Variants in LYN observed in about 807,000 individuals in gnomAD.
The protein encoded by LYN is tyrosine-protein kinase Lyn.
In LYN, 12 loss-of-function variants were observed where a neutral mutation model predicts 65.0. The observed-to-expected ratio is 0.18, with a 90% CI of 0.12 to 0.30. The LOEUF is 0.30. LYN is among the 10% of genes least tolerant of loss of function. The pLI is 1.00. For missense variants in LYN, 380 were observed against 623.2 expected, an observed-to-expected ratio of 0.61 and a Z score of 4.16; for synonymous variants, 222 against 221.2, an observed-to-expected ratio of 1.00 and a Z score of -0.03.
rs889248350 is a variant in LYN, at chr8:55,936,734, A to G, written c.-5-5121A>G. Among the ~76,000 whole-genome samples, 5 of 152,232 alleles carry G rather than the reference A, an allele frequency of 3.3e-5. No homozygotes were observed. In the East Asian group the frequency reaches 7.7e-4, roughly 23 times the overall value. On this transcript the variant is annotated intron_variant, in intron 1 of 12. Transcript: ENST00000519728. ...TGTAGGGTGACTATAATTAAAGACA[A>G]TGTATTGTATATTCCAAATAGCCGG...
intron 10 of LYN, among the ~76,000 whole-genome samples, chr8:55,973,526 A>C (rs965770612): frequency 6.6e-6 from 1 of 152,216 alleles, no homozygotes; most frequent in African/African-American, 2.4e-5. Flanking sequence ...TATGTCAGAG[A>C]AGAAAAATGA....
chr8:55,998,691 A>G (rs1274019136), intron 11 of LYN, among the ~76,000 whole-genome samples, 192 bp downstream of exon 11: 3 of 152,232 alleles, frequency 2.0e-5, no homozygotes, highest in Non-Finnish European at 4.4e-5. Context: ...GATTAACTCC[A>G]CATGATACTT....
At chr8:55,933,491 T>C (rs1806327824) in intron 1 of LYN, among the ~76,000 whole-genome samples, 1 of 152,262 alleles carries the variant, frequency 6.6e-6, no homozygotes, top group Admixed American at 6.5e-5. Context: ...GAAGTGGTCA[T>C]GTTGGGTTAA....
At chr8:55,992,985 GCAT>G (rs1808289421) in intron 10 of LYN, among the ~76,000 whole-genome samples, 1 of 152,074 alleles carries the variant, frequency 6.6e-6, no homozygotes, top group African/African-American at 2.4e-5. Flanking sequence ...TCAGACCATA[GCAT>G]CATGCATTTG....
At chr8:55,973,878 C>T (rs970277227) in intron 10 of LYN, among the ~76,000 whole-genome samples, 1 of 152,210 alleles carries the variant, frequency 6.6e-6, no homozygotes, top group Non-Finnish European at 1.5e-5. Context: ...GCCAGAAGTT[C>T]AGGACCAGCC....
chr8:55,917,019 A>T (rs1289747702), intron 1 of LYN, among the ~76,000 whole-genome samples: 1 of 152,048 alleles, frequency 6.6e-6, no homozygotes. Context: ...TCTACTAAAA[A>T]TACAAAAATT....
rs369256669 is a variant in LYN at position 55,909,010 on chromosome 8, TACACACACACACACACACACACACAC to T, written c.-6+28924_-6+28949del. On this transcript the variant is annotated intron_variant, in intron 1 of 12. Coordinates refer to ENST00000519728, the MANE Select transcript of LYN (RefSeq NM_002350.4). ...GTATGTATATATATATATATATATA[TACACACACACACACACACACACACAC>T]ACACACACACACACACCCCACATTT... is the stretch of plus-strand genomic sequence containing the variant. Among the ~76,000 whole-genome samples the T allele has an allele frequency of 6.2e-5, 2 of 32,236 alleles. 1 individual carries two copies. The highest frequency in any genetic ancestry group is 2.9e-3 in the East Asian group (2 of 688). 21.1% of individuals were successfully genotyped at this position (32,236 alleles called of 152,430 possible). A position where few individuals can be genotyped will look rare whatever the true frequency, so the allele number is the denominator to read the frequency against.
rs192720391 is a variant in LYN, at chr8:55,937,077, A to T, written c.-5-4778A>T. On this transcript the variant is annotated intron_variant, in intron 1 of 12. Coordinates refer to ENST00000519728, the MANE Select transcript of LYN (RefSeq NM_002350.4). ...TATTGCAAAGTCAGGCAATAGACCC[A>T]GCAGTTGACTTCAGCAATCCAACTC... 2.0e-5 allele frequency among the ~76,000 whole-genome samples: 3 copies of T among 152,364 alleles called. No homozygotes were observed. The East Asian group carries it at 5.8e-4, about 29-fold the overall frequency.
At chr8:55,891,557 CT>C (rs1195525274) in intron 1 of LYN, among the ~76,000 whole-genome samples, 1 of 151,974 alleles carries the variant, frequency 6.6e-6, no homozygotes, top group Non-Finnish European at 1.5e-5. Context: ...TGGGAAGTTA[CT>C]GCTTAATGGG....
intron 10 of LYN, among the ~76,000 whole-genome samples, chr8:55,987,624 C>T (rs780420596): frequency 1.3e-5 from 2 of 152,102 alleles, no homozygotes; most frequent in African/African-American, 2.4e-5. Flanking sequence ...CCACATTGGG[C>T]AGGCTGGTCT....
chr8:55,958,247 C>T (rs1807176612), intron 8 of LYN, among the ~76,000 whole-genome samples: 1 of 152,220 alleles, frequency 6.6e-6, no homozygotes, highest in Non-Finnish European at 1.5e-5. Flanking sequence ...CCTCCAATTT[C>T]TCTTCTTTCC....
chr8:55,930,134 A>C lies in LYN; in HGVS notation c.-5-11721A>C, dbSNP rs118017468. On this transcript the variant is annotated intron_variant, in intron 1 of 12. Coordinates refer to ENST00000519728, the MANE Select transcript of LYN (RefSeq NM_002350.4). The stretch of plus-strand genomic sequence containing the variant: ...CCCACCTGACCCCGCTCTGTGGAAA[A>C]ATTGCCTTCCATGAAACCAGTCACG... Among the ~76,000 whole-genome samples, 46 of 152,252 alleles carry C rather than the reference A, an allele frequency of 3.0e-4. No individual in the cohort carries two copies. The East Asian group carries it at 8.7e-3, about 29-fold the overall frequency.
At chr8:55,946,268 C>T (rs879469842) in intron 2 of LYN, among the ~76,000 whole-genome samples, 180 bp from the exon 3 acceptor site, 3 of 152,254 alleles carry the variant, frequency 2.0e-5, no homozygotes, top group Admixed American at 2.0e-4. Context: ...AGCCCTGTCA[C>T]TGGCCAAGCA....
intron 10 of LYN, among the ~76,000 whole-genome samples, chr8:55,984,594 A>C (rs1464160804): frequency 6.6e-6 from 1 of 152,210 alleles, no homozygotes; most frequent in African/African-American, 2.4e-5. Flanking sequence ...AGTCCTGCAC[A>C]TGGTCACTCT....
rs1278936170 is a variant in LYN at position 55,880,041 on chromosome 8, C to T, written c.-68C>T. The stretch of plus-strand genomic sequence containing the variant: ...GGTCCTGCTGGGCCGCCCCGTCGCG[C>T]CCCCCACTCTGAACTCAAGTCACCG... On this transcript the variant is annotated 5_prime_UTR_variant, in exon 1 of 13. Coordinates refer to ENST00000519728, the MANE Select transcript of LYN (RefSeq NM_002350.4). 1 of 311,176 alleles carries T rather than the reference C, an allele frequency of 3.2e-6. No homozygotes were observed. Among genetic ancestry groups the T allele is most frequent in the South Asian group, 2.3e-5 (1 of 42,942 alleles). The allele number at this position is 311,176 out of a possible 1,614,324, so 19.3% of individuals were successfully genotyped here. A position where few individuals can be genotyped will look rare whatever the true frequency, so the allele number is the denominator to read the frequency against.
At chr8:55,904,655 C>CTTG (rs1483770667) in intron 1 of LYN, among the ~76,000 whole-genome samples, 26 of 152,154 alleles carry the variant, frequency 1.7e-4, no homozygotes, top group African/African-American at 5.8e-4. Context: ...GAGGCTGAGG[C>CTTG]AGGAGAATTG....
In LYN at chr8:56,009,976, C is replaced by T. The variant is rs1808769706; in HGVS notation, c.1405C>T (p.Pro469Ser). ...GYRMPRVENC[P>S]DELYDIMKMC... ...CAGGATGCCCCGTGTGGAGAACTGC[C>T]CAGATGAGCTCTATGACATTATGAA... Residue 469 changes from proline (P) to serine (S), a missense_variant, in exon 13 of 13, where the codon CCA (proline) becomes TCA (serine). Around this residue, in one of 2 missense-constraint regions of LYN, gnomAD observed 223 missense variants for 430.0 expected, o/e 0.52. Coordinates refer to ENST00000519728, the MANE Select transcript of LYN (RefSeq NM_002350.4). 1 of 1,613,846 alleles carries T rather than the reference C, an allele frequency of 6.2e-7. No homozygotes were observed. The highest frequency in any genetic ancestry group is 8.5e-7 in the Non-Finnish European group (1 of 1,179,928).
chr8:55,988,291 G>GGTTGTGTGT (rs71256586), intron 10 of LYN, among the ~76,000 whole-genome samples: 4 of 142,100 alleles, frequency 2.8e-5, no homozygotes, highest in African/African-American at 1.1e-4. Context: ...CAAACTCCCT[G>GGTTGTGTGT]GTGTGTGTGT....
intron 1 of LYN, among the ~76,000 whole-genome samples, chr8:55,902,247 A>C (rs937871631): frequency 6.6e-6 from 1 of 151,776 alleles, no homozygotes; most frequent in African/African-American, 2.4e-5. Context: ...ACCTCAGGTG[A>C]TCTGCCCATT....
Sources: allele counts gnomAD v4.1 joint callset (sites outside exome capture counted in the v4.1 genomes callset), GRCh38; gene constraint gnomAD v4.1.1; regional missense constraint gnomAD v4.1.1; transcripts MANE v1.5; gene names NCBI Gene and HGNC (gene_info 2026-07-23, HGNC 2026-07-21).